Variants in DOCK2 observed in about 807,000 individuals in gnomAD.
DOCK2 encodes dedicator of cytokinesis 2.
Under a neutral mutation model 248.9 loss-of-function variants are expected in DOCK2, and 87 were observed. The ratio of observed to expected loss-of-function variants is 0.35; its 90% CI spans 0.29 to 0.42. The LOEUF is 0.42. Ranked by LOEUF, DOCK2 falls within the 10% of genes least tolerant of loss-of-function variation. The pLI is 1.00. For missense variants in DOCK2, 1,747 were observed against 2,300.2 expected, an observed-to-expected ratio of 0.76 and a Z score of 4.92; for synonymous variants, 805 against 821.6, an observed-to-expected ratio of 0.98 and a Z score of 0.35.
At chr5:169,939,290 G>A (rs1350926850) in intron 27 of DOCK2, among the ~76,000 whole-genome samples, 1 of 151,590 alleles carries the variant, frequency 6.6e-6, no homozygotes, top group Non-Finnish European at 1.5e-5. Context: ...ACAGGGTCAG[G>A]ACCCTCCCTA....
rs755119742 is a variant in DOCK2, at chr5:169,671,181, C to T, written c.321+7C>T. 1.2e-6 allele frequency: 2 copies of T among 1,611,788 alleles called. No individual in the cohort carries two copies. Among genetic ancestry groups the T allele is most frequent in the South Asian group, 2.2e-5 (2 of 90,808 alleles). The stretch of plus-strand genomic sequence containing the variant: ...CTGGAAACAACTCTATGTGGTGAGA[C>T]TCAGAACTCTGCTCCCTGAGTTGGA... On this transcript the variant is annotated splice_region_variant and intron_variant, in intron 5 of 51. Transcript: ENST00000520908.
Position 169,905,221 on chromosome 5 carries a change from A to G in DOCK2, c.2799+64369A>G, listed in dbSNP as rs117676637. Among the ~76,000 whole-genome samples the G allele has an allele frequency of 3.8e-4, 58 of 152,050 alleles. 2 individuals carry two copies. In the East Asian group the frequency reaches 0.011, roughly 28 times the overall value. ...GCTAGGCAGAGAGAAATGTGCCACAAAGGGGACCCCTGCTGTCAGCTGCAG... is the reference window on the plus strand; with the variant it reads ...GCTAGGCAGAGAGAAATGTGCCACAGAGGGGACCCCTGCTGTCAGCTGCAG... On this transcript the variant is annotated intron_variant, in intron 27 of 51. Coordinates refer to ENST00000520908, the MANE Select transcript of DOCK2 (RefSeq NM_004946.3).
chr5:169,893,460 C>A (rs987374186), intron 27 of DOCK2, among the ~76,000 whole-genome samples: 2 of 143,708 alleles, frequency 1.4e-5, no homozygotes, highest in Admixed American at 1.4e-4. Flanking sequence ...CACTACATAA[C>A]TGGGGACATT....
intron 36 of DOCK2, 24 bp downstream of exon 36, chr5:170,036,579 C>T: frequency 1.2e-6 from 2 of 1,610,760 alleles, no homozygotes; most frequent in Non-Finnish European, 1.7e-6. Context: ...TTTCTAAAAT[C>T]CAGACCTGCT....
chr5:169,737,728 A>G (rs1020799041), intron 22 of DOCK2, among the ~76,000 whole-genome samples: 1 of 152,228 alleles, frequency 6.6e-6, no homozygotes, highest in Non-Finnish European at 1.5e-5. Flanking sequence ...CAGCAATTCC[A>G]GACAGCTGAA....
At chr5:169,806,574 T>C (rs1767376133) in intron 26 of DOCK2, among the ~76,000 whole-genome samples, 1 of 152,198 alleles carries the variant, frequency 6.6e-6, no homozygotes, top group South Asian at 2.1e-4. Context: ...TCAGACTGGA[T>C]TGAGAACTTG....
chr5:170,083,111 G>C lies in DOCK2; in HGVS notation c.*253G>C, dbSNP rs1022805375. ...CTGAACTCAAGGTACCAGCAAGAATGCCTTCTCCCAGTGTGCTCTCCCCAA... is the reference window on the plus strand; with the variant it reads ...CTGAACTCAAGGTACCAGCAAGAATCCCTTCTCCCAGTGTGCTCTCCCCAA... On this transcript the variant is annotated 3_prime_UTR_variant, in exon 52 of 52. Coordinates refer to ENST00000520908, the MANE Select transcript of DOCK2 (RefSeq NM_004946.3). The C allele has an allele frequency of 2.0e-6, 1 of 500,090 alleles. No homozygotes were observed. The highest frequency in any genetic ancestry group is 3.6e-6 in the Non-Finnish European group (1 of 279,380). The allele number at this position is 500,090 out of a possible 1,614,324, so 31.0% of individuals were successfully genotyped here.
chr5:169,794,334 C>G (rs1160164747), intron 25 of DOCK2, among the ~76,000 whole-genome samples: 1 of 152,146 alleles, frequency 6.6e-6, no homozygotes, highest in African/African-American at 2.4e-5. Context: ...TGGAACATCT[C>G]CTAATAAGTC....
At chr5:169,992,901 G>C (rs1259766353) in intron 29 of DOCK2, among the ~76,000 whole-genome samples, 1 of 152,148 alleles carries the variant, frequency 6.6e-6, no homozygotes, top group Middle Eastern at 3.2e-3. Flanking sequence ...AGAAAGGGAG[G>C]AACTTTGATT....
intron 27 of DOCK2, among the ~76,000 whole-genome samples, chr5:169,846,657 CACAT>C (rs1386981487): frequency 2.6e-5 from 4 of 151,428 alleles, no homozygotes; most frequent in East Asian, 3.9e-4. Flanking sequence ...TATATACACA[CACAT>C]ATATATATAT....
intron 1 of DOCK2, among the ~76,000 whole-genome samples, chr5:169,653,653 C>T (rs1757932429): frequency 6.6e-6 from 1 of 152,340 alleles, no homozygotes; most frequent in East Asian, 1.9e-4. Flanking sequence ...TGCAGGAAGC[C>T]TCCTGTGGCC....
chr5:169,638,088 G>A (rs1756939827), intron 1 of DOCK2, among the ~76,000 whole-genome samples: 1 of 152,190 alleles, frequency 6.6e-6, no homozygotes, highest in Non-Finnish European at 1.5e-5. Flanking sequence ...AGTGTCATCC[G>A]TGGTGCAATC....
chr5:169,658,142 T>C (rs968694915), intron 2 of DOCK2, among the ~76,000 whole-genome samples: 1 of 152,188 alleles, frequency 6.6e-6, no homozygotes, highest in Middle Eastern at 3.2e-3. Flanking sequence ...AAACATTGAA[T>C]CAAAGTTCAA....
At chr5:170,012,883 C>T (rs530949898) in intron 32 of DOCK2, among the ~76,000 whole-genome samples, 9 of 152,304 alleles carry the variant, frequency 5.9e-5, no homozygotes, top group African/African-American at 1.9e-4. Context: ...CCTGGCATCT[C>T]GGCCTCCCAT....
intron 14 of DOCK2, 178 bp downstream of exon 14, chr5:169,702,605 C>T: frequency 1.3e-6 from 1 of 781,948 alleles, no homozygotes; most frequent in Middle Eastern, 4.0e-4. Context: ...ATAATAAGAC[C>T]TTGTGATATT....
At chr5:170,028,439 T>G (rs1224320395) in intron 34 of DOCK2, 1 of 154,538 alleles carries the variant, frequency 6.5e-6, no homozygotes, top group East Asian at 1.9e-4. Context: ...TCAAGGAAAC[T>G]AGGACGAGCT....
At chr5:169,814,191 C>A (rs1767923523) in intron 26 of DOCK2, among the ~76,000 whole-genome samples, 1 of 152,286 alleles carries the variant, frequency 6.6e-6, no homozygotes, top group South Asian at 2.1e-4. Context: ...TTATCCTAAC[C>A]AAATGAGCAA....
intron 9 of DOCK2, 70 bp downstream of exon 9, chr5:169,689,403 G>C: frequency 6.5e-7 from 1 of 1,543,362 alleles, no homozygotes; most frequent in South Asian, 1.1e-5. Context: ...AATGAGGCTG[G>C]TCAGGAGCTC....
chr5:169,683,576 A>G (rs1039305197), intron 7 of DOCK2, among the ~76,000 whole-genome samples: 4 of 152,198 alleles, frequency 2.6e-5, no homozygotes, highest in African/African-American at 9.7e-5. Flanking sequence ...TAGTTGCTCT[A>G]CATCCTCGTC....
Sources: gnomAD v4.1 joint callset for allele counts (sites outside exome capture counted in the v4.1 genomes callset) on GRCh38, gnomAD v4.1.1 for gene constraint, MANE v1.5 for transcripts, NCBI Gene and HGNC (gene_info 2026-07-23, HGNC 2026-07-21) for gene names.